PXDNL: variants seen among roughly 807,000 people sequenced by gnomAD.
PXDNL encodes probable oxidoreductase PXDNL.
PXDNL carries 145 observed loss-of-function variants against 150.8 expected under a neutral mutation model. That is an observed-to-expected ratio of 0.96 (90% CI 0.84 to 1.10). PXDNL has a LOEUF of 1.10. PXDNL is among the 50% of genes least tolerant of loss of function. The pLI is 0.00. For missense variants in PXDNL, 2,087 were observed against 1,873.9 expected (o/e 1.11, Z -2.10); for synonymous variants, 757 against 725.7 (o/e 1.04, Z -0.69).
At chr8:51,624,517 G>A (rs1233914757) in intron 2 of PXDNL, among the ~76,000 whole-genome samples, 5 of 151,898 alleles carry the variant, frequency 3.3e-5, no homozygotes, top group African/African-American at 9.7e-5. Flanking sequence ...CTCATAGTCT[G>A]TTATAGCTCT....
At position 51,685,528 on chromosome 8, in the gene PXDNL, G is replaced by C. The variant is rs7830071; in HGVS notation, c.165-30768C>G. Among the ~76,000 whole-genome samples the C allele has an allele frequency of 1.3e-3, 196 of 152,226 alleles. 1 individual carries two copies. The highest frequency in any genetic ancestry group is 4.5e-3 in the African/African-American group (188 of 41,526). Reference sequence around the variant, plus strand: ...ACCGCTGCCTACTTAGCCTCTCTGGGAACTCTGCTGTCACTTATTCTCTGG... The same window carrying C: ...ACCGCTGCCTACTTAGCCTCTCTGGCAACTCTGCTGTCACTTATTCTCTGG... On this transcript the variant is annotated intron_variant, in intron 1 of 22. Coordinates refer to ENST00000356297, the MANE Select transcript of PXDNL (RefSeq NM_144651.5).
At chr8:51,541,992 C>A (rs1191417494) in intron 4 of PXDNL, among the ~76,000 whole-genome samples, 1 of 152,104 alleles carries the variant, frequency 6.6e-6, no homozygotes, top group African/African-American at 2.4e-5. Context: ...AAAACTCTCC[C>A]AGATATTATA....
At chr8:51,596,523 A>G (rs1245789899) in intron 2 of PXDNL, among the ~76,000 whole-genome samples, 1 of 152,214 alleles carries the variant, frequency 6.6e-6, no homozygotes, top group Admixed American at 6.5e-5. Context: ...TCAACACTGT[A>G]TAAGCATTCC....
At chr8:51,470,044 C>T (rs905635562) in intron 8 of PXDNL, among the ~76,000 whole-genome samples, 2 of 151,948 alleles carry the variant, frequency 1.3e-5, no homozygotes, top group African/African-American at 4.8e-5. Flanking sequence ...GATTTTTTCA[C>T]TTGTTTCTTT....
chr8:51,332,970 T>C (rs1805732922), intron 21 of PXDNL, among the ~76,000 whole-genome samples: 1 of 152,080 alleles, frequency 6.6e-6, no homozygotes, highest in Non-Finnish European at 1.5e-5. Flanking sequence ...GACGTGCAAA[T>C]ACAAGAAGCA....
In PXDNL at chr8:51,408,985, G is replaced by A. The variant is rs779948261; in HGVS notation, c.2639C>T (p.Ser880Leu). ...ASGRPSATVD[S>L]VYAREQINQQ... ...GTTGATCTGCTCTCGTGCATAGACT[G>A]AATCCACCGTCGCAGAGGGACGGCC... is the stretch of plus-strand genomic sequence containing the variant. Residue 880 changes from serine to leucine, a missense_variant, in exon 17 of 23, where the codon TCA becomes TTA. By Grantham distance (145) the Ser-to-Leu change is moderately radical. Coordinates refer to ENST00000356297, the MANE Select transcript of PXDNL (RefSeq NM_144651.5). The A allele has an allele frequency of 6.2e-7, 1 of 1,611,932 alleles. No individual in the cohort carries two copies. Among genetic ancestry groups the A allele is most frequent in the Non-Finnish European group, 8.5e-7 (1 of 1,179,872 alleles).
chr8:51,734,619 G>C (rs1272415998), intron 1 of PXDNL, among the ~76,000 whole-genome samples: 1 of 152,120 alleles, frequency 6.6e-6, no homozygotes, highest in Admixed American at 6.5e-5. Flanking sequence ...TTTCAAACAA[G>C]TATTTTTCTA....
At chr8:51,351,818 C>T (rs763810652) in intron 19 of PXDNL, among the ~76,000 whole-genome samples, 1 of 152,140 alleles carries the variant, frequency 6.6e-6, no homozygotes, top group Non-Finnish European at 1.5e-5. Flanking sequence ...CCCACAGTTC[C>T]CTTCCATGAG....
At chr8:51,603,788 T>A (rs1311145904) in intron 2 of PXDNL, among the ~76,000 whole-genome samples, 1 of 152,140 alleles carries the variant, frequency 6.6e-6, no homozygotes, top group Non-Finnish European at 1.5e-5. Flanking sequence ...TTGCCCTTAA[T>A]AATTATGATA....
intron 21 of PXDNL, among the ~76,000 whole-genome samples, chr8:51,322,750 GA>G (rs1805363943): frequency 6.6e-6 from 1 of 152,206 alleles, no homozygotes; most frequent in African/African-American, 2.4e-5. Flanking sequence ...GTCTTGATGT[GA>G]AAGAATTTTG....
At chr8:51,806,724 G>A (rs1315142292) in intron 1 of PXDNL, among the ~76,000 whole-genome samples, 2 of 152,162 alleles carry the variant, frequency 1.3e-5, no homozygotes, top group Non-Finnish European at 2.9e-5. Context: ...TGAAAAGCTA[G>A]GGAATGTCAC....
intron 4 of PXDNL, among the ~76,000 whole-genome samples, chr8:51,535,802 C>G (rs1812061146): frequency 6.6e-6 from 1 of 152,144 alleles, no homozygotes; most frequent in African/African-American, 2.4e-5. Flanking sequence ...TCTCCTTTCT[C>G]CCATCTTTCC....
At chr8:51,436,388 C>A in intron 12 of PXDNL, 1 of 421,414 alleles carries the variant, frequency 2.4e-6, no homozygotes, top group Non-Finnish European at 4.8e-6. Flanking sequence ...TACCAGGCAC[C>A]AAAAATGCAT....
intron 19 of PXDNL, among the ~76,000 whole-genome samples, chr8:51,358,403 C>T (rs1043987808): frequency 2.6e-5 from 4 of 152,172 alleles, no homozygotes; most frequent in African/African-American, 9.6e-5. Context: ...TCCAGGTCAC[C>T]CCTTGGTTTC....
Position 51,528,095 on chromosome 8 carries a change from G to C in PXDNL, c.381-28325C>G, listed in dbSNP as rs375019442. Among the ~76,000 whole-genome samples the C allele has an allele frequency of 2.1e-4, 32 of 152,218 alleles. 2 individuals carry two copies. The East Asian group carries it at 4.4e-3, about 21-fold the overall frequency. On this transcript the variant is annotated intron_variant, in intron 4 of 22. Transcript: ENST00000356297. Reference sequence around the variant, plus strand: ...CCATTGCAATATTACAACCAGGAGAGGATTCAAATATTAATAAAAATGGTC... The same window carrying C: ...CCATTGCAATATTACAACCAGGAGACGATTCAAATATTAATAAAAATGGTC...
At chr8:51,437,555 A>T (rs530290687) in intron 12 of PXDNL, among the ~76,000 whole-genome samples, 45 of 152,358 alleles carry the variant, frequency 3.0e-4, no homozygotes, top group African/African-American at 1.0e-3. Context: ...AATAAGTGTG[A>T]TACACCACAT....
intron 3 of PXDNL, among the ~76,000 whole-genome samples, chr8:51,565,127 C>T (rs891786184): frequency 1.3e-5 from 2 of 151,670 alleles, no homozygotes; most frequent in African/African-American, 4.8e-5. Flanking sequence ...AAATCCAAAA[C>T]TTTTTAAGTG....
chr8:51,344,728 T>C (rs1806090275), intron 20 of PXDNL, among the ~76,000 whole-genome samples: 1 of 152,234 alleles, frequency 6.6e-6, no homozygotes, highest in Non-Finnish European at 1.5e-5. Context: ...ACAGAATGCC[T>C]GTAAAATGCT....
chr8:51,480,966 T>C (rs1241051724), intron 6 of PXDNL, among the ~76,000 whole-genome samples: 3 of 152,194 alleles, frequency 2.0e-5, no homozygotes, highest in African/African-American at 7.2e-5. Context: ...AATAAATTGG[T>C]ACTGGGAGTG....
Sources: gnomAD v4.1 joint callset for allele counts (sites outside exome capture counted in the v4.1 genomes callset) on GRCh38, gnomAD v4.1.1 for gene constraint, MANE v1.5 for transcripts, NCBI Gene and HGNC (gene_info 2026-07-23, HGNC 2026-07-21) for gene names.